Variants in PRKN observed in about 807,000 individuals in gnomAD.
PRKN encodes parkin RBR E3 ubiquitin protein ligase.
PRKN carries 56 observed loss-of-function variants against 59.5 expected under a neutral mutation model. The ratio of observed to expected loss-of-function variants is 0.94; its 90% CI spans 0.76 to 1.18. PRKN has a LOEUF of 1.18. Ranked by LOEUF, PRKN falls within the 50% of genes most tolerant of loss-of-function variation. The pLI, the probability that PRKN is intolerant of heterozygous loss-of-function variation, is 0.00. For synonymous variants in PRKN, 250 were observed against 222.1 expected (o/e 1.13, Z -1.12); for missense variants, 657 against 596.4 (o/e 1.10, Z -1.06).
rs919076565 is a variant in PRKN, at chr6:161,546,451, T to G, written c.1083+2403A>C. On this transcript the variant is annotated intron_variant, in intron 9 of 11. Transcript: ENST00000366898. This position sits in a 1 kb window ranked among gnomAD's most constrained non-coding sequence, Gnocchi z 4.4. ...GGGATTTGAAGACAAAGGGCAATGATGAAATCAATTTATCTCTGCTGAGAA... is the reference window on the plus strand; with the variant it reads ...GGGATTTGAAGACAAAGGGCAATGAGGAAATCAATTTATCTCTGCTGAGAA... Among the ~76,000 whole-genome samples the G allele has an allele frequency of 1.3e-5, 2 of 152,154 alleles. No homozygotes were observed. The highest frequency in any genetic ancestry group is 2.4e-5 in the African/African-American group (1 of 41,432).
In PRKN at chr6:162,111,272, C is replaced by T. The variant is rs538170779; in HGVS notation, c.535-57098G>A. 8.6e-4 allele frequency among the ~76,000 whole-genome samples: 131 copies of T among 152,034 alleles called. 1 individual carries two copies. Among genetic ancestry groups the T allele is most frequent in the Middle Eastern group, 3.4e-3 (1 of 294 alleles). On this transcript the variant is annotated intron_variant, in intron 4 of 11. Coordinates refer to ENST00000366898, the MANE Select transcript of PRKN (RefSeq NM_004562.3). ...CGAGGTCAGGAGATCGAGACCATCC[C>T]GGCTAACACAGTGAAACCCCGTCTC... is the stretch of plus-strand genomic sequence containing the variant.
Position 161,401,998 on chromosome 6 carries a change from G to A in PRKN, c.1084-15121C>T, listed in dbSNP as rs953228719. Among the ~76,000 whole-genome samples, 1 of 152,142 alleles carries A rather than the reference G, an allele frequency of 6.6e-6. No homozygotes were observed. The highest frequency in any genetic ancestry group is 1.5e-5 in the Non-Finnish European group (1 of 68,018). ...CCCAGCTTGGGGCTGGGTAATAATGGTGAGAGCATTTCCCACATTATCCTC... is the reference window on the plus strand; with the variant it reads ...CCCAGCTTGGGGCTGGGTAATAATGATGAGAGCATTTCCCACATTATCCTC... On this transcript the variant is annotated intron_variant, in intron 9 of 11. Transcript: ENST00000366898. The surrounding 1 kb of genome is among the most constrained non-coding windows in gnomAD (Gnocchi z 4.4).
At chr6:162,125,577 T>A (rs987195054) in intron 4 of PRKN, among the ~76,000 whole-genome samples, 3 of 152,152 alleles carry the variant, frequency 2.0e-5, no homozygotes, top group African/African-American at 7.2e-5. Context: ...AGGGAAAAGA[T>A]CCCATACCTA....
At chr6:161,825,385 T>A (rs1326926614) in intron 6 of PRKN, among the ~76,000 whole-genome samples, 1 of 152,152 alleles carries the variant, frequency 6.6e-6, no homozygotes, top group Non-Finnish European at 1.5e-5. Context: ...TAATTTAAGA[T>A]CCCCACAAAA....
At chr6:162,424,738 G>GAAAAA (rs756618241) in intron 2 of PRKN, among the ~76,000 whole-genome samples, 5 of 121,136 alleles carry the variant, frequency 4.1e-5, no homozygotes, top group Non-Finnish European at 9.0e-5. Flanking sequence ...CTGTCTCAAA[G>GAAAAA]AAAAAAAAAA....
At chr6:162,688,911 ATAAAGCT>A (rs1777665491) in intron 1 of PRKN, among the ~76,000 whole-genome samples, 1 of 152,218 alleles carries the variant, frequency 6.6e-6, no homozygotes, top group African/African-American at 2.4e-5. Context: ...AAATTGAACC[ATAAAGCT>A]TAGCTTGACA....
At chr6:162,594,805 A>G (rs139710328) in intron 1 of PRKN, among the ~76,000 whole-genome samples, 254 of 152,316 alleles carry the variant, frequency 1.7e-3, no homozygotes, top group African/African-American at 3.6e-3. Flanking sequence ...ATGTAGAAAT[A>G]CTTCCTTTGC....
intron 5 of PRKN, among the ~76,000 whole-genome samples, chr6:161,977,374 C>T (rs1781071801): frequency 6.6e-6 from 1 of 152,070 alleles, no homozygotes; most frequent in Non-Finnish European, 1.5e-5. Context: ...GGTTTTGCAT[C>T]ACAAATGAGA....
rs542288375 is a variant in PRKN at position 162,138,515 on chromosome 6, G to A, written c.534+62616C>T. ...GGAATCTAGTAAATCACTATGAATCGTGCAAAGAAACATAAAAATAGGAAC... is the reference window on the plus strand; with the variant it reads ...GGAATCTAGTAAATCACTATGAATCATGCAAAGAAACATAAAAATAGGAAC... On this transcript the variant is annotated intron_variant, in intron 4 of 11. Coordinates refer to ENST00000366898, the MANE Select transcript of PRKN (RefSeq NM_004562.3). Among the ~76,000 whole-genome samples the A allele has an allele frequency of 4.6e-5, 7 of 152,004 alleles. No individual in the cohort carries two copies. In the South Asian group the frequency reaches 1.2e-3, roughly 27 times the overall value.
In PRKN at chr6:161,386,750, G is replaced by A. The variant is rs1384532121; in HGVS notation, c.1167+44C>T. 2 of 1,454,384 alleles carry A rather than the reference G, an allele frequency of 1.4e-6. No individual in the cohort carries two copies. The highest frequency in any genetic ancestry group is 2.8e-5 in the African/African-American group (2 of 71,720). 90.1% of individuals were successfully genotyped at this position (1,454,384 alleles called of 1,614,324 possible). A position where few individuals can be genotyped will look rare whatever the true frequency, so the allele number is the denominator to read the frequency against. On this transcript the variant is annotated intron_variant, in intron 10 of 11. Coordinates refer to ENST00000366898, the MANE Select transcript of PRKN (RefSeq NM_004562.3). This position sits in a 1 kb window ranked among gnomAD's most constrained non-coding sequence, Gnocchi z 4.3. ...CAGGAAACGGCTCCAGTCCCCCACT[G>A]TATCCGGAGCCCTGCTTGGAGGAAT...
At chr6:162,666,033 G>A (rs1281107946) in intron 1 of PRKN, among the ~76,000 whole-genome samples, 1 of 151,968 alleles carries the variant, frequency 6.6e-6, no homozygotes, top group East Asian at 1.9e-4. Flanking sequence ...AAATTAATTC[G>A]ATTGATTAAA....
intron 7 of PRKN, among the ~76,000 whole-genome samples, chr6:161,718,958 C>T (rs546574780): frequency 6.6e-6 from 1 of 152,310 alleles, no homozygotes; most frequent in African/African-American, 2.4e-5. Flanking sequence ...AGGCTAATTA[C>T]ATTCCAATCC....
chr6:162,338,965 G>A (rs1487503737), intron 2 of PRKN, among the ~76,000 whole-genome samples: 1 of 151,188 alleles, frequency 6.6e-6, no homozygotes, highest in Non-Finnish European at 1.5e-5. Context: ...GAGGTGAGGA[G>A]CGTCTCTGCC....
rs145416696 is a variant in PRKN at position 161,812,280 on chromosome 6, A to G, written c.735-26372T>C. Among the ~76,000 whole-genome samples the G allele has an allele frequency of 2.9e-3, 441 of 151,946 alleles. 1 individual carries two copies. Among genetic ancestry groups the G allele is most frequent in the Non-Finnish European group, 3.9e-3 (262 of 67,944 alleles). Reference sequence around the variant, plus strand: ...TGGTGGTGTTTGCCTGTAGTCCCAGATACTCAGGAGGCTAAGGCAGGGGGT... The same window carrying G: ...TGGTGGTGTTTGCCTGTAGTCCCAGGTACTCAGGAGGCTAAGGCAGGGGGT... On this transcript the variant is annotated intron_variant, in intron 6 of 11. Coordinates refer to ENST00000366898, the MANE Select transcript of PRKN (RefSeq NM_004562.3).
chr6:162,394,621 A>G (rs960190271), intron 2 of PRKN, among the ~76,000 whole-genome samples: 1 of 152,228 alleles, frequency 6.6e-6, no homozygotes, highest in Non-Finnish European at 1.5e-5. Flanking sequence ...TACCTGTAAC[A>G]GGCTTTCCTG....
intron 2 of PRKN, among the ~76,000 whole-genome samples, chr6:162,299,644 T>C (rs896446851): frequency 2.6e-5 from 4 of 151,394 alleles, no homozygotes; most frequent in African/African-American, 7.3e-5. Context: ...TATATATATA[T>C]GTATTTATTC....
chr6:162,710,499 C>T (rs770145183), intron 1 of PRKN, among the ~76,000 whole-genome samples: 11 of 151,890 alleles, frequency 7.2e-5, no homozygotes, highest in Non-Finnish European at 1.6e-4. Flanking sequence ...AAGAAAGGCA[C>T]ACTGAACTCT....
In PRKN at chr6:161,444,176, C is replaced by T. The variant is rs1345859610; in HGVS notation, c.1084-57299G>A. Among the ~76,000 whole-genome samples, 1 of 152,174 alleles carries T rather than the reference C, an allele frequency of 6.6e-6. No homozygotes were observed. The highest frequency in any genetic ancestry group is 1.5e-5 in the Non-Finnish European group (1 of 68,038). ...GGTGGGAGCTGCAGATACCACTTCT[C>T]CAGGACCCATCCCAGGGCAGCTTCA... On this transcript the variant is annotated intron_variant, in intron 9 of 11. Transcript: ENST00000366898. This position sits in a 1 kb window ranked among gnomAD's most constrained non-coding sequence, Gnocchi z 5.6.
intron 6 of PRKN, among the ~76,000 whole-genome samples, chr6:161,898,193 CTG>C (rs138275255): frequency 0.056 from 8,505 of 152,030 alleles, 261 homozygotes; most frequent in African/African-American, 0.065. Flanking sequence ...TAAAACGAAT[CTG>C]TAAAACTAAG....
Sources: gnomAD v4.1 joint callset for allele counts (sites outside exome capture counted in the v4.1 genomes callset) on GRCh38, gnomAD v4.1.1 for gene constraint, Gnocchi (gnomAD v3.1) non-coding constraint, MANE v1.5 for transcripts, NCBI Gene and HGNC (gene_info 2026-07-23, HGNC 2026-07-21) for gene names.